DPP10: variants seen among roughly 807,000 people sequenced by gnomAD.
The protein encoded by DPP10 is dipeptidyl peptidase like 10, also known as inactive dipeptidyl peptidase 10.
Under a neutral mutation model 120.9 loss-of-function variants are expected in DPP10, and 33 were observed. The observed-to-expected ratio is 0.27, with a 90% CI of 0.21 to 0.37. The LOEUF (loss-of-function observed/expected upper bound fraction) is 0.37. Ranked by LOEUF, DPP10 falls within the 10% of genes least tolerant of loss-of-function variation. The probability of loss-of-function intolerance (pLI) is 1.00; values close to 1 mark genes in which losing one functional copy is unlikely to be tolerated. For synonymous variants in DPP10, 337 were observed against 326.1 expected, an observed-to-expected ratio of 1.03 and a Z score of -0.36; for missense variants, 816 against 942.8, an observed-to-expected ratio of 0.87 and a Z score of 1.76.
At chr2:114,799,141 A>T (rs933446755) in intron 1 of DPP10, among the ~76,000 whole-genome samples, 6 of 152,230 alleles carry the variant, frequency 3.9e-5, no homozygotes, top group African/African-American at 1.4e-4. Flanking sequence ...AGAGAAAAAA[A>T]ATTAAAAAGT....
chr2:114,665,716 T>C (rs1278748651), intron 1 of DPP10, among the ~76,000 whole-genome samples: 2 of 152,194 alleles, frequency 1.3e-5, no homozygotes, highest in African/African-American at 4.8e-5. Context: ...CAATTCCAGA[T>C]GACCCCCAAG....
chr2:115,399,246 T>C (rs2067892889), intron 3 of DPP10, among the ~76,000 whole-genome samples: 1 of 152,144 alleles, frequency 6.6e-6, no homozygotes, highest in Non-Finnish European at 1.5e-5. Flanking sequence ...TGAGATCTAG[T>C]GATTTTAAAT....
chr2:115,213,520 C>G (rs79773537), intron 1 of DPP10, among the ~76,000 whole-genome samples: 1 of 152,034 alleles, frequency 6.6e-6, no homozygotes, highest in Admixed American at 6.6e-5. Flanking sequence ...TACCTTCGCT[C>G]TTTTTAGACT....
intron 11 of DPP10, 99 bp downstream of exon 11, chr2:115,753,396 G>A: frequency 8.5e-7 from 1 of 1,177,632 alleles, no homozygotes; most frequent in East Asian, 2.8e-5. Context: ...AAAATTCAGT[G>A]TTTAACTTTT....
At chr2:115,777,069 C>T (rs1682190576) in intron 13 of DPP10, 139 bp from the exon 14 acceptor site, 2 of 693,578 alleles carry the variant, frequency 2.9e-6, no homozygotes, top group East Asian at 2.8e-5. Flanking sequence ...CATGTTCATT[C>T]TTGAGCTGTG....
chr2:115,428,307 A>G (rs2070663721), intron 3 of DPP10, among the ~76,000 whole-genome samples: 1 of 152,130 alleles, frequency 6.6e-6, no homozygotes, highest in Non-Finnish European at 1.5e-5. Context: ...TATTTTTATA[A>G]CAATGCCCTA....
At chr2:114,699,010 G>T (rs983050963) in intron 1 of DPP10, among the ~76,000 whole-genome samples, 1 of 152,052 alleles carries the variant, frequency 6.6e-6, no homozygotes, top group Non-Finnish European at 1.5e-5. Flanking sequence ...TTATAGAAAA[G>T]TACCTATTTT....
intron 1 of DPP10, among the ~76,000 whole-genome samples, chr2:114,613,045 G>A (rs1172248810): frequency 1.3e-5 from 2 of 152,000 alleles, no homozygotes; most frequent in Admixed American, 6.6e-5. Context: ...TGAAAATGAG[G>A]CAGATGATCA....
rs866625688 is a variant in DPP10, at chr2:114,901,432, G to A, written c.61-407807G>A. 3.9e-5 allele frequency among the ~76,000 whole-genome samples: 6 copies of A among 152,182 alleles called. No homozygotes were observed. The East Asian group carries it at 5.8e-4, about 15-fold the overall frequency. On this transcript the variant is annotated intron_variant, in intron 1 of 25. Transcript: ENST00000410059. ...AGGATGGTCTCGATCTCCTGACCTC[G>A]TGATCTGCCCGCCTTGGCCTCCCAA...
intron 1 of DPP10, among the ~76,000 whole-genome samples, chr2:114,767,418 A>G (rs1022794392): frequency 6.6e-6 from 1 of 151,686 alleles, no homozygotes; most frequent in African/African-American, 2.4e-5. Context: ...GAAATTTTAA[A>G]AAATAGTAAT....
chr2:114,820,661 G>A (rs1287271376), intron 1 of DPP10, among the ~76,000 whole-genome samples: 1 of 152,146 alleles, frequency 6.6e-6, no homozygotes, highest in African/African-American at 2.4e-5. Flanking sequence ...TGAGGGGAAG[G>A]GGAAGCCCTC....
intron 1 of DPP10, among the ~76,000 whole-genome samples, chr2:115,103,666 T>C (rs1471529816): frequency 6.6e-6 from 1 of 152,234 alleles, no homozygotes; most frequent in African/African-American, 2.4e-5. Context: ...CTAGGTTGTA[T>C]GGTTACTCTT....
intron 5 of DPP10, among the ~76,000 whole-genome samples, chr2:115,651,353 T>A (rs2087752734): frequency 6.6e-6 from 1 of 152,090 alleles, no homozygotes; most frequent in Admixed American, 6.6e-5. Flanking sequence ...GGTGTCACAT[T>A]ATAAGCTTTC....
chr2:115,316,639 C>G (rs1329015946), intron 2 of DPP10, among the ~76,000 whole-genome samples: 1 of 152,150 alleles, frequency 6.6e-6, no homozygotes, highest in Non-Finnish European at 1.5e-5. Context: ...AATATAAGTT[C>G]ATATTTTCCA....
At chr2:115,024,652 T>TC (rs1703326443) in intron 1 of DPP10, among the ~76,000 whole-genome samples, 1 of 149,800 alleles carries the variant, frequency 6.7e-6, no homozygotes, top group Non-Finnish European at 1.5e-5. Flanking sequence ...CATACACACA[T>TC]ATAACCTTAA....
chr2:115,710,708 A>G (rs1178940701), intron 7 of DPP10, among the ~76,000 whole-genome samples: 3 of 152,060 alleles, frequency 2.0e-5, no homozygotes, highest in Non-Finnish European at 2.9e-5. Flanking sequence ...GAACATTATG[A>G]GCTTTTAAAA....
chr2:115,069,069 G>A (rs1346105086), intron 1 of DPP10, among the ~76,000 whole-genome samples: 3 of 151,978 alleles, frequency 2.0e-5, no homozygotes, highest in African/African-American at 7.2e-5. Flanking sequence ...TATGCTTTAG[G>A]ATTTCTTTTG....
At chr2:115,373,111 A>C (rs1256579406) in intron 3 of DPP10, among the ~76,000 whole-genome samples, 1 of 152,220 alleles carries the variant, frequency 6.6e-6, no homozygotes, top group Non-Finnish European at 1.5e-5. Context: ...AGTTTCCTGG[A>C]GGATGGGACA....
At chr2:114,740,539 A>G (rs1351300513) in intron 1 of DPP10, among the ~76,000 whole-genome samples, 4 of 152,126 alleles carry the variant, frequency 2.6e-5, no homozygotes, top group Non-Finnish European at 5.9e-5. Flanking sequence ...ACTTAAATGT[A>G]CTTCTATTCT....
Sources: gnomAD v4.1 joint callset for allele counts (sites outside exome capture counted in the v4.1 genomes callset) on GRCh38, gnomAD v4.1.1 for gene constraint, MANE v1.5 for transcripts, NCBI Gene and HGNC (gene_info 2026-07-23, HGNC 2026-07-21) for gene names.